LRTM3: variants seen among roughly 807,000 people sequenced by gnomAD.
The protein encoded by LRTM3 is leucine rich repeat transmembrane protein 3.
At chr13:102,734,826 C>A in the LRTM3 span, 1 of 1,551,092 alleles carries the variant, frequency 6.4e-7, no homozygotes, top group African/African-American at 1.4e-5. Context: ...CATTCCTGCA[C>A]CTTCTCTTCC....
the LRTM3 span, chr13:102,732,385 T>C: frequency 2.6e-6 from 4 of 1,551,428 alleles, no homozygotes; most frequent in Non-Finnish European, 3.5e-6. Context: ...TCTGTGGAAT[T>C]GGGTGATTCT....
the LRTM3 span, chr13:102,734,038 A>G: frequency 6.4e-7 from 1 of 1,551,374 alleles, no homozygotes; most frequent in African/African-American, 1.4e-5. Flanking sequence ...GTATAGAAAG[A>G]AAAGTCCTTG....
chr13:102,730,332 C>T, the LRTM3 span: 2 of 1,551,248 alleles, frequency 1.3e-6, no homozygotes, highest in East Asian at 2.4e-5. Flanking sequence ...CTCTCACTTA[C>T]TTCAAGACAT....
the LRTM3 span, chr13:102,735,124 C>T: frequency 6.4e-7 from 1 of 1,551,302 alleles, no homozygotes; most frequent in East Asian, 2.4e-5. Flanking sequence ...TTTTAACTTT[C>T]TGGACCTTTT....
chr13:102,740,415 A>T, the LRTM3 span: 1 of 1,550,204 alleles, frequency 6.5e-7, no homozygotes, highest in South Asian at 1.2e-5. Context: ...CCTCCTTCTG[A>T]TAATGCTTCC....
the LRTM3 span, chr13:102,746,804 G>T: frequency 2.6e-6 from 4 of 1,551,188 alleles, no homozygotes; most frequent in South Asian, 3.6e-5. Flanking sequence ...ACTTTCTCTT[G>T]TTTGGTTTAA....
chr13:102,733,676 C>T, the LRTM3 span: 585 of 1,551,296 alleles, frequency 3.8e-4, 2 homozygotes, highest in African/African-American at 6.8e-3. Flanking sequence ...CCATTCCGGC[C>T]TTTTCCCACT....
At chr13:102,744,535 A>T in the LRTM3 span, 3 of 1,550,572 alleles carry the variant, frequency 1.9e-6, no homozygotes, top group Non-Finnish European at 2.6e-6. Flanking sequence ...ATCCAGAAAT[A>T]GGCTCTAAAA....
chr13:102,745,827 A>G, the LRTM3 span: 2 of 1,551,186 alleles, frequency 1.3e-6, no homozygotes, highest in Non-Finnish European at 1.7e-6. Flanking sequence ...ACCTTTTCAA[A>G]TGGAAATTGA....
At chr13:102,754,031 C>A in the LRTM3 span, among the ~76,000 whole-genome samples, 5 of 151,948 alleles carry the variant, frequency 3.3e-5, no homozygotes, top group African/African-American at 9.7e-5. Flanking sequence ...CATGGTGAAA[C>A]CCCAACTCTA....
At chr13:102,753,948 C>T in the LRTM3 span, among the ~76,000 whole-genome samples, 4 of 152,138 alleles carry the variant, frequency 2.6e-5, no homozygotes, top group Non-Finnish European at 4.4e-5. Context: ...GGGTGGCTCA[C>T]GCCTGTAATC....
At chr13:102,748,491 G>T in the LRTM3 span, 1 of 1,551,044 alleles carries the variant, frequency 6.4e-7, no homozygotes, top group Non-Finnish European at 8.7e-7. Flanking sequence ...GTACTGGTTG[G>T]TAACTCCTCT....
At chr13:102,754,051 C>T in the LRTM3 span, among the ~76,000 whole-genome samples, 2 of 151,828 alleles carry the variant, frequency 1.3e-5, no homozygotes, top group Non-Finnish European at 2.9e-5. Context: ...ACTAAAAATA[C>T]AAAAAGTAGC....
At chr13:102,730,556 G>T in the LRTM3 span, 2 of 1,551,832 alleles carry the variant, frequency 1.3e-6, no homozygotes, top group Non-Finnish European at 1.7e-6. Context: ...AAGAACTTGA[G>T]TATCTTTCTT....
chr13:102,736,074 G>A, the LRTM3 span: 1 of 1,541,364 alleles, frequency 6.5e-7, no homozygotes. Flanking sequence ...GGCATTTGTT[G>A]GTTTGCTTTT....
At chr13:102,733,256 C>G in the LRTM3 span, 1 of 1,551,340 alleles carries the variant, frequency 6.4e-7, no homozygotes, top group Non-Finnish European at 8.7e-7. Flanking sequence ...GGTGACGATA[C>G]TTATTTTTTT....
chr13:102,757,996 A>G, the LRTM3 span, among the ~76,000 whole-genome samples: 1 of 152,226 alleles, frequency 6.6e-6, no homozygotes, highest in East Asian at 1.9e-4. Flanking sequence ...TAACTTTACA[A>G]TTCTGATAAA....
At chr13:102,745,440 C>T in the LRTM3 span, 1 of 1,550,812 alleles carries the variant, frequency 6.4e-7, no homozygotes, top group Non-Finnish European at 8.7e-7. Context: ...GTTTCATCTA[C>T]CCCCTTTTTG....
the LRTM3 span, chr13:102,745,819 C>G: frequency 1.9e-6 from 3 of 1,551,170 alleles, no homozygotes; most frequent in Admixed American, 2.0e-5. Flanking sequence ...GACTCTCTAC[C>G]TTTTCAAATG....
Sources: allele counts gnomAD v4.1 joint callset (sites outside exome capture counted in the v4.1 genomes callset), GRCh38; gene constraint gnomAD v4.1.1; transcripts MANE v1.5; gene names NCBI Gene and HGNC (gene_info 2026-07-23, HGNC 2026-07-21).